The following APBB2 variants were observed in gnomAD, a reference collection of about 807,000 sequenced individuals.
APBB2 encodes Fe65-like 1.
Under a neutral mutation model 82.5 loss-of-function variants are expected in APBB2, and 38 were observed. The observed-to-expected ratio is 0.46, with a 90% CI of 0.36 to 0.60. The LOEUF is 0.60. Ranked by LOEUF, APBB2 falls within the 20% of genes least tolerant of loss-of-function variation. The pLI, the probability that APBB2 is intolerant of heterozygous loss-of-function variation, is 0.00. For synonymous variants in APBB2, 341 were observed against 368.2 expected, an observed-to-expected ratio of 0.93 and a Z score of 0.85; for missense variants, 772 against 972.3, an observed-to-expected ratio of 0.79 and a Z score of 2.74.
At position 40,811,010 on chromosome 4, in the gene APBB2, T is replaced by C. The variant is rs1744289303; in HGVS notation, c.*5082A>G. ...TTATTTTCAAGTGTATTTTCTGTGATGTTGTCTCATTGTTATGGAATAGTT... is the reference window on the plus strand; with the variant it reads ...TTATTTTCAAGTGTATTTTCTGTGACGTTGTCTCATTGTTATGGAATAGTT... On this transcript the variant is annotated 3_prime_UTR_variant, in exon 18 of 18. Coordinates refer to ENST00000508593, the MANE Select transcript of APBB2 (RefSeq NM_004307.2). The C allele has an allele frequency of 6.6e-6, 1 of 152,232 alleles. No individual in the cohort carries two copies. Among genetic ancestry groups the C allele is most frequent in the Admixed American group, 6.5e-5 (1 of 15,282 alleles). 9.4% of individuals were successfully genotyped at this position (152,232 alleles called of 1,614,324 possible).
At chr4:41,031,006 C>T (rs1439239054) in intron 5 of APBB2, among the ~76,000 whole-genome samples, 1 of 152,140 alleles carries the variant, frequency 6.6e-6, no homozygotes, top group African/African-American at 2.4e-5. Flanking sequence ...GGGCAGATCA[C>T]TTGAGGCCAG....
chr4:40,945,248 A>G (rs76873123), intron 6 of APBB2, among the ~76,000 whole-genome samples, 175 bp from the exon 7 acceptor site: 8,284 of 152,214 alleles, frequency 0.054, 421 homozygotes, highest in African/African-American at 0.13. Context: ...TACTTGGTAA[A>G]ACAGGTAATA....
chr4:40,983,765 ACGGGGTTCCACACGT>A (rs1246467349), intron 6 of APBB2, among the ~76,000 whole-genome samples: 1 of 152,100 alleles, frequency 6.6e-6, no homozygotes. Flanking sequence ...TTTGGTAAAG[ACGGGGTTCCACACGT>A]CGGCCAAGCT....
At chr4:40,963,475 TG>T (rs1308494655) in intron 6 of APBB2, among the ~76,000 whole-genome samples, 2 of 152,218 alleles carry the variant, frequency 1.3e-5, no homozygotes, top group Non-Finnish European at 2.9e-5. Context: ...CTCAGATTCC[TG>T]GGCTCAAGCG....
At chr4:41,178,541 C>T (rs1220971321) in intron 1 of APBB2, among the ~76,000 whole-genome samples, 1 of 152,184 alleles carries the variant, frequency 6.6e-6, no homozygotes, top group African/African-American at 2.4e-5. Flanking sequence ...GTACTGCCAC[C>T]ATCTATCACA....
chr4:41,160,037 A>AGAAGAAGAAGAAGAC (rs1258514181), intron 1 of APBB2, among the ~76,000 whole-genome samples: 1 of 146,290 alleles, frequency 6.8e-6, no homozygotes, highest in African/African-American at 2.7e-5. Flanking sequence ...AAGAAGAAGA[A>AGAAGAAGAAGAAGAC]AACATCACAG....
At chr4:40,966,539 C>A (rs1035468508) in intron 6 of APBB2, among the ~76,000 whole-genome samples, 2 of 152,204 alleles carry the variant, frequency 1.3e-5, no homozygotes, top group Non-Finnish European at 2.9e-5. Flanking sequence ...CTCTTGGGGG[C>A]CTAGAAAGCC....
chr4:41,090,074 A>G (rs1741169320), intron 3 of APBB2, among the ~76,000 whole-genome samples: 1 of 152,204 alleles, frequency 6.6e-6, no homozygotes, highest in African/African-American at 2.4e-5. Context: ...TTGAGTCCCT[A>G]TATGAATATC....
At chr4:40,828,404 A>T (rs1750685272) in intron 13 of APBB2, among the ~76,000 whole-genome samples, 1 of 152,158 alleles carries the variant, frequency 6.6e-6, no homozygotes, top group South Asian at 2.1e-4. Context: ...TTCCAAGTGG[A>T]GTGAAAGTCA....
chr4:41,062,406 T>C (rs1418235965), intron 4 of APBB2, among the ~76,000 whole-genome samples: 2 of 151,984 alleles, frequency 1.3e-5, no homozygotes, highest in African/African-American at 4.8e-5. Context: ...CTCGAATTCC[T>C]GACCTCCGGT....
chr4:41,052,464 C>T (rs930337568), intron 4 of APBB2, among the ~76,000 whole-genome samples: 1 of 152,096 alleles, frequency 6.6e-6, no homozygotes, highest in African/African-American at 2.4e-5. Context: ...CCTGGGATGC[C>T]GTGTCATATC....
intron 1 of APBB2, among the ~76,000 whole-genome samples, chr4:41,204,165 G>A (rs1422761633): frequency 6.6e-6 from 1 of 152,218 alleles, no homozygotes; most frequent in Non-Finnish European, 1.5e-5. Flanking sequence ...AGAAAATCTG[G>A]CATGTCGTAA....
chr4:41,025,412 T>C (rs1713598974), intron 5 of APBB2, among the ~76,000 whole-genome samples: 1 of 151,352 alleles, frequency 6.6e-6, no homozygotes, highest in Admixed American at 6.6e-5. Context: ...TCGGTGGGAG[T>C]GTGAATTAGT....
At chr4:40,932,238 AG>A (rs1336346473) in intron 10 of APBB2, among the ~76,000 whole-genome samples, 1 of 152,262 alleles carries the variant, frequency 6.6e-6, no homozygotes, top group Non-Finnish European at 1.5e-5. Flanking sequence ...CTTTGCTGAT[AG>A]AATTTGTAAA....
At chr4:41,139,715 G>C (rs1007888801) in intron 2 of APBB2, among the ~76,000 whole-genome samples, 3 of 152,148 alleles carry the variant, frequency 2.0e-5, no homozygotes, top group Admixed American at 6.5e-5. Flanking sequence ...TGTGGAAAAA[G>C]TAGAACTATG....
chr4:40,907,814 A>G (rs991385375), intron 10 of APBB2, among the ~76,000 whole-genome samples: 2 of 150,484 alleles, frequency 1.3e-5, no homozygotes, highest in African/African-American at 2.5e-5. Flanking sequence ...GTGCACCACC[A>G]TGCCTGCTAA....
At chr4:41,039,484 GACAGTT>G (rs1331589568) in intron 4 of APBB2, among the ~76,000 whole-genome samples, 6 of 152,202 alleles carry the variant, frequency 3.9e-5, no homozygotes, top group South Asian at 2.1e-4. Context: ...CCATCGATCT[GACAGTT>G]ACTATGACAA....
In APBB2 at chr4:41,202,514, A is replaced by G. The variant is rs73810886; in HGVS notation, c.-417+11891T>C. On this transcript the variant is annotated intron_variant, in intron 1 of 17. Coordinates refer to ENST00000508593, the MANE Select transcript of APBB2 (RefSeq NM_004307.2). Reference sequence around the variant, plus strand: ...GGATGCTTGGGAAGGAGGAAGAACGATAACGCCAACAAAACCATCCACAAT... The same window carrying G: ...GGATGCTTGGGAAGGAGGAAGAACGGTAACGCCAACAAAACCATCCACAAT... 9.4e-3 allele frequency among the ~76,000 whole-genome samples: 1,430 copies of G among 152,284 alleles called. 15 individuals are homozygous for G. Among genetic ancestry groups the G allele is most frequent in the African/African-American group, 0.032 (1,348 of 41,542 alleles).
At chr4:41,048,109 C>G (rs1724102046) in intron 4 of APBB2, among the ~76,000 whole-genome samples, 1 of 152,208 alleles carries the variant, frequency 6.6e-6, no homozygotes, top group Non-Finnish European at 1.5e-5. Context: ...AAACAGTGGC[C>G]TAGAAGACAT....
Sources: gnomAD v4.1 joint callset for allele counts (sites outside exome capture counted in the v4.1 genomes callset) on GRCh38, gnomAD v4.1.1 for gene constraint, MANE v1.5 for transcripts, NCBI Gene and HGNC (gene_info 2026-07-23, HGNC 2026-07-21) for gene names.